Variants in ISCA1 observed in about 807,000 individuals in gnomAD.
ISCA1 encodes the protein iron-sulfur cluster assembly 1.
ISCA1 carries 9 observed loss-of-function variants against 14.7 expected under a neutral mutation model. The ratio of observed to expected loss-of-function variants is 0.61; its 90% confidence interval spans 0.37 to 1.07. The LOEUF (loss-of-function observed/expected upper bound fraction) is 1.07. ISCA1 is among the 50% of genes least tolerant of loss of function. ISCA1 has a pLI of 0.01. For synonymous variants in ISCA1, 38 were observed against 54.3 expected (o/e 0.70, Z 1.32); for missense variants, 102 against 150.1 (o/e 0.68, Z 1.67).
At chr9:86,274,913 A>T (rs930911849) in intron 1 of ISCA1, among the ~76,000 whole-genome samples, 1 of 152,200 alleles carries the variant, frequency 6.6e-6, no homozygotes, top group African/African-American at 2.4e-5. Context: ...TTCCCAGAGA[A>T]ATGCTGTTTT....
intron 3 of ISCA1, chr9:86,267,477 A>G (rs1825304520): frequency 1.0e-6 from 1 of 971,622 alleles, no homozygotes; most frequent in Admixed American, 6.2e-5. Context: ...AAGAACTGCA[A>G]GCTAAGTGCA....
intron 1 of ISCA1, among the ~76,000 whole-genome samples, chr9:86,278,436 G>A (rs184905749): frequency 2.6e-5 from 4 of 152,112 alleles, no homozygotes; most frequent in Admixed American, 6.5e-5. Flanking sequence ...AGGCCAAGGT[G>A]GGAGGACGGC....
chr9:86,267,563 G>A, intron 3 of ISCA1: 5 of 923,702 alleles, frequency 5.4e-6, no homozygotes, highest in Non-Finnish European at 6.5e-6. Context: ...GGGGGCAGCA[G>A]CAAATATAAT....
At position 86,274,236 on chromosome 9, in the gene ISCA1, A is replaced by G; in HGVS notation, c.88T>C (p.Ser30Pro). ...AGTTGTTTTATCTTGTTTACTGCTG[A>G]AGGTGTCTGAAAAAAGAAAATGATG... Reference protein sequence around the residue: ...PTRAALTLTPSAVNKIKQLLK... With the variant: ...PTRAALTLTPPAVNKIKQLLK... The change falls in exon 2 of 4, where the codon TCA becomes CCA. Residue 30 changes from serine (S) to proline (P), a missense_variant. Transcript: ENST00000375991. The G allele has an allele frequency of 6.3e-7, 1 of 1,587,884 alleles. No individual in the cohort carries two copies. The highest frequency in any genetic ancestry group is 8.6e-7 in the Non-Finnish European group (1 of 1,156,776).
rs1214036548 is a variant in ISCA1, at chr9:86,265,382, A to G, written c.*661T>C. The G allele has an allele frequency of 6.6e-6, 1 of 152,384 alleles. No individual in the cohort carries two copies. The highest frequency in any genetic ancestry group is 1.5e-5 in the Non-Finnish European group (1 of 68,194). The allele number at this position is 152,384 out of a possible 1,614,324, so 9.4% of individuals were successfully genotyped here. ...CTAGATGGCTTTAAGAGACTTCTCAACTAAAAGAATCAAAGTCAGCTTGAG... is the reference window on the plus strand; with the variant it reads ...CTAGATGGCTTTAAGAGACTTCTCAGCTAAAAGAATCAAAGTCAGCTTGAG... On this transcript the variant is annotated 3_prime_UTR_variant, in exon 4 of 4. Coordinates refer to ENST00000375991, the MANE Select transcript of ISCA1 (RefSeq NM_030940.4).
intron 1 of ISCA1, among the ~76,000 whole-genome samples, chr9:86,277,312 T>G (rs1380524095): frequency 1.3e-5 from 2 of 152,152 alleles, no homozygotes; most frequent in Non-Finnish European, 2.9e-5. Context: ...ATGTCTTAAT[T>G]TTCCTGTGCC....
At chr9:86,281,696 G>A (rs1825518830) in intron 1 of ISCA1, among the ~76,000 whole-genome samples, 1 of 152,222 alleles carries the variant, frequency 6.6e-6, no homozygotes, top group Non-Finnish European at 1.5e-5. Flanking sequence ...GCACTCTGGT[G>A]CCCTCTGAGT....
intron 1 of ISCA1, among the ~76,000 whole-genome samples, chr9:86,278,528 G>C (rs528750167): frequency 6.6e-6 from 1 of 152,098 alleles, no homozygotes; most frequent in South Asian, 2.1e-4. Flanking sequence ...AAAATTAGCA[G>C]TCAAGGTGAC....
chr9:86,280,454 G>C (rs1022634575), intron 1 of ISCA1, among the ~76,000 whole-genome samples: 4 of 151,784 alleles, frequency 2.6e-5, no homozygotes, highest in Non-Finnish European at 4.4e-5. Context: ...AAATAAGCTG[G>C]GCATGGTGGT....
At chr9:86,276,776 C>T (rs547919647) in intron 1 of ISCA1, among the ~76,000 whole-genome samples, 3 of 146,620 alleles carry the variant, frequency 2.0e-5, no homozygotes, top group South Asian at 4.2e-4. Flanking sequence ...GAGGCTGACG[C>T]ATGAGAATCG....
intron 1 of ISCA1, among the ~76,000 whole-genome samples, chr9:86,281,757 T>C (rs889963569): frequency 7.9e-5 from 12 of 152,220 alleles, no homozygotes; most frequent in South Asian, 6.2e-4. Flanking sequence ...GGAAATCATC[T>C]TTTGTCCTAA....
intron 3 of ISCA1, among the ~76,000 whole-genome samples, chr9:86,268,474 A>C (rs1455448371): frequency 1.3e-5 from 2 of 151,510 alleles, no homozygotes; most frequent in African/African-American, 2.4e-5. Context: ...CAAAGCTTAC[A>C]AAGTAAAAAA....
chr9:86,267,622 T>G, intron 3 of ISCA1: 1 of 878,250 alleles, frequency 1.1e-6, no homozygotes. Flanking sequence ...GAATAAAAAT[T>G]GGAAATACAG....
intron 1 of ISCA1, among the ~76,000 whole-genome samples, chr9:86,280,050 G>T (rs1030802649): frequency 1.3e-5 from 2 of 152,174 alleles, no homozygotes; most frequent in African/African-American, 4.8e-5. Flanking sequence ...CAGGCAACAT[G>T]GATACCTTGA....
intron 1 of ISCA1, chr9:86,282,130 T>C: frequency 1.9e-6 from 1 of 526,580 alleles, no homozygotes; most frequent in East Asian, 3.3e-5. Context: ...CCGCACGCGG[T>C]TGCCGCGCGG....
chr9:86,269,491 A>G (rs971843445), intron 3 of ISCA1, among the ~76,000 whole-genome samples: 2 of 152,246 alleles, frequency 1.3e-5, no homozygotes, highest in East Asian at 3.9e-4. Flanking sequence ...GGAAGAATCA[A>G]TATCGTGAAA....
rs1059144 is a variant in ISCA1 at position 86,264,610 on chromosome 9, G to A, written c.*1433C>T. ...AACTCAATCTCTACATACATACAGT[G>A]TTGCACGAATTATAAGTGGATCAAC... On this transcript the variant is annotated 3_prime_UTR_variant, in exon 4 of 4. Coordinates refer to ENST00000375991, the MANE Select transcript of ISCA1 (RefSeq NM_030940.4). 114,685 of 152,456 alleles carry A rather than the reference G, an allele frequency of 0.75. 44,725 individuals carry two copies. The highest frequency in any genetic ancestry group is 0.99 in the East Asian group (5,129 of 5,168). 9.4% of individuals were successfully genotyped at this position (152,456 alleles called of 1,614,324 possible). A position where few individuals can be genotyped will look rare whatever the true frequency, so the allele number is the denominator to read the frequency against.
At chr9:86,278,860 T>G (rs1211598213) in intron 1 of ISCA1, among the ~76,000 whole-genome samples, 1 of 152,148 alleles carries the variant, frequency 6.6e-6, no homozygotes, top group East Asian at 1.9e-4. Flanking sequence ...ATTTAGGTAT[T>G]AAAGATTAAA....
intron 1 of ISCA1, among the ~76,000 whole-genome samples, chr9:86,281,463 G>A (rs988799899): frequency 6.6e-6 from 1 of 152,170 alleles, no homozygotes; most frequent in Non-Finnish European, 1.5e-5. Flanking sequence ...ACTAAAAGGG[G>A]AGTGTATGTA....
Sources: allele counts gnomAD v4.1 joint callset (sites outside exome capture counted in the v4.1 genomes callset), GRCh38; gene constraint gnomAD v4.1.1; transcripts MANE v1.5; gene names NCBI Gene and HGNC (gene_info 2026-07-23, HGNC 2026-07-21).